The following FAM168A variants were observed in gnomAD, a reference collection of about 807,000 sequenced individuals.
FAM168A encodes the protein protein FAM168A.
In FAM168A, 3 loss-of-function variants were observed where a neutral mutation model predicts 28.5. The ratio of observed to expected loss-of-function variants is 0.11; its 90% confidence interval spans 0.05 to 0.27. The LOEUF is 0.27. FAM168A is among the 10% of genes least tolerant of loss of function. FAM168A has a pLI of 1.00. For synonymous variants in FAM168A, 122 were observed against 124.2 expected, an observed-to-expected ratio of 0.98 and a Z score of 0.12; for missense variants, 222 against 311.5, an observed-to-expected ratio of 0.71 and a Z score of 2.16.
At chr11:73,571,398 G>T (rs935714962) in intron 1 of FAM168A, among the ~76,000 whole-genome samples, 1 of 151,432 alleles carries the variant, frequency 6.6e-6, no homozygotes, top group Non-Finnish European at 1.5e-5. Context: ...GGCGCGCGCC[G>T]CCATGCCTGA....
chr11:73,492,751 T>C (rs765368361), intron 1 of FAM168A, among the ~76,000 whole-genome samples: 71 of 152,326 alleles, frequency 4.7e-4, no homozygotes, highest in Non-Finnish European at 8.7e-4. Context: ...CGGTTTGCCC[T>C]TAGAAGCAGA....
At chr11:73,594,978 A>T (rs77519033) in intron 1 of FAM168A, among the ~76,000 whole-genome samples, 2,704 of 152,260 alleles carry the variant, frequency 0.018, 65 homozygotes, top group African/African-American at 0.054. Context: ...CTCTCTTCTC[A>T]CCAAGATATC....
At chr11:73,486,995 T>C (rs1407136522) in intron 1 of FAM168A, among the ~76,000 whole-genome samples, 2 of 152,224 alleles carry the variant, frequency 1.3e-5, no homozygotes, top group African/African-American at 2.4e-5. Flanking sequence ...TGATGAGCCA[T>C]GGATTATTTT....
intron 1 of FAM168A, among the ~76,000 whole-genome samples, chr11:73,587,922 G>GT (rs1235914603): frequency 1.3e-5 from 2 of 151,984 alleles, no homozygotes; most frequent in East Asian, 1.9e-4. Flanking sequence ...GCAAATTTTT[G>GT]TATTTTTAGT....
At chr11:73,531,493 G>A (rs1402829965) in intron 1 of FAM168A, among the ~76,000 whole-genome samples, 1 of 152,140 alleles carries the variant, frequency 6.6e-6, no homozygotes, top group Non-Finnish European at 1.5e-5. Flanking sequence ...AGAAAGCCTG[G>A]CAAGACTGCA....
intron 3 of FAM168A, among the ~76,000 whole-genome samples, chr11:73,429,957 A>G (rs1036845459): frequency 1.3e-5 from 2 of 152,214 alleles, no homozygotes; most frequent in Non-Finnish European, 2.9e-5. Flanking sequence ...GACTTGCCCA[A>G]GGCCTTACAA....
At chr11:73,493,997 T>C (rs1296996895) in intron 1 of FAM168A, among the ~76,000 whole-genome samples, 1 of 152,234 alleles carries the variant, frequency 6.6e-6, no homozygotes, top group Non-Finnish European at 1.5e-5. Flanking sequence ...ATGCAACTGC[T>C]TCCCTCCTGG....
intron 1 of FAM168A, among the ~76,000 whole-genome samples, chr11:73,530,131 T>C (rs1384196331): frequency 6.6e-6 from 1 of 152,156 alleles, no homozygotes; most frequent in Admixed American, 6.6e-5. Context: ...AAGTCACTTC[T>C]GGGACAATGC....
chr11:73,470,673 CAGATGCTTGTACTCTG>C (rs1487175309), intron 1 of FAM168A, among the ~76,000 whole-genome samples: 1 of 152,154 alleles, frequency 6.6e-6, no homozygotes, highest in Non-Finnish European at 1.5e-5. Context: ...AGGCCCTTGA[CAGATGCTTGTACTCTG>C]ATATTGGACT....
At chr11:73,407,950 C>A (rs1866537908) in intron 6 of FAM168A, among the ~76,000 whole-genome samples, 1 of 152,246 alleles carries the variant, frequency 6.6e-6, no homozygotes, top group Non-Finnish European at 1.5e-5. Flanking sequence ...CAGCTCACTG[C>A]AGCCTCTGCC....
rs554510676 is a variant in FAM168A, at chr11:73,448,372, G to A, written c.71-17602C>T. Among the ~76,000 whole-genome samples, 9 of 152,140 alleles carry A rather than the reference G, an allele frequency of 5.9e-5. 1 individual carries two copies. The highest frequency in any genetic ancestry group is 1.3e-4 in the Admixed American group (2 of 15,274). On this transcript the variant is annotated intron_variant, in intron 2 of 7. Coordinates refer to ENST00000356467, the MANE Select transcript of FAM168A (RefSeq NM_015159.3). ...CATGTATCAAGTATTTATGCTAAGC[G>A]CTTCACATTAATCCCATCTAATCCT... is the stretch of plus-strand genomic sequence containing the variant.
chr11:73,432,219 A>C (rs1267184474), intron 2 of FAM168A, among the ~76,000 whole-genome samples: 1 of 152,230 alleles, frequency 6.6e-6, no homozygotes, highest in Non-Finnish European at 1.5e-5. Flanking sequence ...TATTGTGAAT[A>C]ATGGTACAAT....
intron 1 of FAM168A, among the ~76,000 whole-genome samples, chr11:73,538,466 G>C (rs1943610978): frequency 6.6e-6 from 1 of 152,068 alleles, no homozygotes. Context: ...CTCCATTCCA[G>C]AATTTTATCT....
chr11:73,510,997 G>T lies in FAM168A; in HGVS notation c.-18-42505C>A, dbSNP rs143515441. On this transcript the variant is annotated intron_variant, in intron 1 of 7. Transcript: ENST00000356467. The stretch of plus-strand genomic sequence containing the variant: ...CAGGAACACTTCTCATTCACAGGAA[G>T]CTCCACACAAACCCTCCATTCAGGT... Among the ~76,000 whole-genome samples, 371 of 152,230 alleles carry T rather than the reference G, an allele frequency of 2.4e-3. 4 individuals are homozygous for T. The highest frequency in any genetic ancestry group is 4.5e-3 in the Non-Finnish European group (306 of 68,006).
chr11:73,505,390 T>C (rs765457244), intron 1 of FAM168A, among the ~76,000 whole-genome samples: 2 of 152,176 alleles, frequency 1.3e-5, no homozygotes, highest in African/African-American at 2.4e-5. Flanking sequence ...ATAATAGTAC[T>C]ATCTAACAGG....
intron 1 of FAM168A, among the ~76,000 whole-genome samples, chr11:73,549,249 ACATTTCTAT>A (rs1943796935): frequency 6.6e-6 from 1 of 152,006 alleles, no homozygotes; most frequent in Admixed American, 6.6e-5. Context: ...GCCTCCATAG[ACATTTCTAT>A]CATAGTACCT....
rs955294732 is a variant in FAM168A, at chr11:73,400,920, C to G, written c.*5843G>C. The G allele has an allele frequency of 6.6e-6, 1 of 151,786 alleles. No homozygotes were observed. The highest frequency in any genetic ancestry group is 1.5e-5 in the Non-Finnish European group (1 of 67,966). 9.4% of individuals were successfully genotyped at this position (151,786 alleles called of 1,614,324 possible). A position where few individuals can be genotyped will look rare whatever the true frequency, so the allele number is the denominator to read the frequency against. ...TCACTGTCTGATCTTCAAAACAAAA[C>G]AAAAACCCAAAAGAATCCAAAACAA... On this transcript the variant is annotated 3_prime_UTR_variant, in exon 8 of 8. Coordinates refer to ENST00000356467, the MANE Select transcript of FAM168A (RefSeq NM_015159.3).
At chr11:73,520,080 T>C (rs1213133347) in intron 1 of FAM168A, among the ~76,000 whole-genome samples, 1 of 152,030 alleles carries the variant, frequency 6.6e-6, no homozygotes, top group Non-Finnish European at 1.5e-5. Flanking sequence ...AGAGTCTCAC[T>C]CTGTCACCAG....
At position 73,591,922 on chromosome 11, in the gene FAM168A, T is replaced by C. The variant is rs147632355; in HGVS notation, c.-19+6001A>G. Among the ~76,000 whole-genome samples the C allele has an allele frequency of 1.6e-4, 25 of 152,338 alleles. No homozygotes were observed. The East Asian group carries it at 2.5e-3, about 15-fold the overall frequency. On this transcript the variant is annotated intron_variant, in intron 1 of 7. Transcript: ENST00000356467. ...TATATTTGCATAAGTATAAATAGCA[T>C]AGCTGTTATCTACTGATAGAGACAT...
Sources: gnomAD v4.1 joint callset for allele counts (sites outside exome capture counted in the v4.1 genomes callset) on GRCh38, gnomAD v4.1.1 for gene constraint, MANE v1.5 for transcripts, NCBI Gene and HGNC (gene_info 2026-07-23, HGNC 2026-07-21) for gene names.